OPCML: variants seen among roughly 807,000 people sequenced by gnomAD.
OPCML encodes the protein opioid-binding protein/cell adhesion molecule.
A neutral mutation model predicts 37.8 loss-of-function variants in OPCML; 13 were observed. That is an observed-to-expected ratio of 0.34 (90% CI 0.22 to 0.55). The LOEUF (loss-of-function observed/expected upper bound fraction) is 0.55. Ranked by LOEUF, OPCML falls within the 20% of genes least tolerant of loss-of-function variation. The probability of loss-of-function intolerance (pLI) is 0.91; values close to 1 mark genes in which losing one functional copy is unlikely to be tolerated. For synonymous variants in OPCML, 176 were observed against 168.8 expected (o/e 1.04, Z -0.33); for missense variants, 341 against 435.6 (o/e 0.78, Z 1.93).
At chr11:132,435,281 A>T in intron 7 of OPCML, 1 of 1,284,820 alleles carries the variant, frequency 7.8e-7, no homozygotes, top group Non-Finnish European at 1.0e-6. Context: ...AGTTTACTTA[A>T]TGTCAGTGCT....
chr11:133,209,718 G>A (rs936405532), intron 1 of OPCML, among the ~76,000 whole-genome samples: 11 of 152,214 alleles, frequency 7.2e-5, no homozygotes, highest in Admixed American at 2.6e-4. Flanking sequence ...TGAATACATG[G>A]GTGGATGAAT....
chr11:133,180,803 G>C (rs1476716648), intron 1 of OPCML, among the ~76,000 whole-genome samples: 1 of 144,040 alleles, frequency 6.9e-6, no homozygotes, highest in Non-Finnish European at 1.5e-5. Context: ...CTGCCCATGA[G>C]CTAAGATTGT....
chr11:132,616,904 T>A (rs890853805), intron 3 of OPCML, among the ~76,000 whole-genome samples: 1 of 152,264 alleles, frequency 6.6e-6, no homozygotes, highest in Non-Finnish European at 1.5e-5. Flanking sequence ...GCAATGTGGA[T>A]GTTTGCTCAA....
chr11:132,912,891 G>A (rs752562862), intron 2 of OPCML, among the ~76,000 whole-genome samples: 12 of 152,156 alleles, frequency 7.9e-5, no homozygotes, highest in Non-Finnish European at 1.6e-4. Flanking sequence ...AAACAACTTA[G>A]CAAATTAACA....
chr11:133,294,815 C>CTTTTTTTTTTT (rs59382534), intron 1 of OPCML, among the ~76,000 whole-genome samples: 7 of 56,550 alleles, frequency 1.2e-4, no homozygotes, highest in East Asian at 7.7e-4. Flanking sequence ...TTCTTTCTTT[C>CTTTTTTTTTTT]TTTTTTTTTT....
chr11:132,958,484 T>C (rs896701991), intron 1 of OPCML, among the ~76,000 whole-genome samples: 2 of 152,198 alleles, frequency 1.3e-5, no homozygotes, highest in Non-Finnish European at 2.9e-5. Context: ...GTGGCTACAC[T>C]CAACAGCAGA....
At chr11:133,464,508 G>C (rs560509331) in intron 1 of OPCML, among the ~76,000 whole-genome samples, 2 of 152,158 alleles carry the variant, frequency 1.3e-5, no homozygotes, top group Admixed American at 1.3e-4. Flanking sequence ...AGGCTTTCTG[G>C]AATGCTGCCC....
In OPCML at chr11:133,189,897, T is replaced by A. The variant is rs114138754; in HGVS notation, c.62-246887A>T. On this transcript the variant is annotated intron_variant, in intron 1 of 7. Transcript: ENST00000524381. ...CAGCTAGGGCAATTGAACACTCTTCTAATTGAACAGGGAAAATAAGGAGTG... is the reference window on the plus strand; with the variant it reads ...CAGCTAGGGCAATTGAACACTCTTCAAATTGAACAGGGAAAATAAGGAGTG... Among the ~76,000 whole-genome samples the A allele has an allele frequency of 9.8e-3, 1,490 of 152,352 alleles. 26 individuals are homozygous for A. Among genetic ancestry groups the A allele is most frequent in the African/African-American group, 0.034 (1,405 of 41,584 alleles).
chr11:133,390,745 A>G (rs539978795), intron 1 of OPCML, among the ~76,000 whole-genome samples: 46 of 152,172 alleles, frequency 3.0e-4, no homozygotes, highest in Non-Finnish European at 6.6e-4. Context: ...AGTTTGGAAA[A>G]GGGTTGGGAT....
At position 132,544,794 on chromosome 11, in the gene OPCML, T is replaced by G. The variant is rs577176413; in HGVS notation, c.380-15608A>C. On this transcript the variant is annotated intron_variant, in intron 3 of 7. Transcript: ENST00000524381. ...AAGCTGGGTCGTCATTTCCCACTTG[T>G]ATAAATCAGTATCCTCTGCATTGCA... Among the ~76,000 whole-genome samples, 5 of 152,280 alleles carry G rather than the reference T, an allele frequency of 3.3e-5. No individual in the cohort carries two copies. The South Asian group carries it at 1.0e-3, about 32-fold the overall frequency.
chr11:133,372,650 A>G (rs1040877206), intron 1 of OPCML, among the ~76,000 whole-genome samples: 5 of 152,192 alleles, frequency 3.3e-5, no homozygotes, highest in Non-Finnish European at 7.4e-5. Flanking sequence ...TGTGTTTGAG[A>G]AACAATAAAG....
intron 1 of OPCML, among the ~76,000 whole-genome samples, chr11:133,133,878 T>C (rs1284870620): frequency 6.6e-6 from 1 of 152,184 alleles, no homozygotes; most frequent in Non-Finnish European, 1.5e-5. Context: ...GCAATGACTT[T>C]ACACATCAAT....
chr11:132,632,286 C>A (rs1425253508), intron 3 of OPCML, among the ~76,000 whole-genome samples: 1 of 131,504 alleles, frequency 7.6e-6, no homozygotes, highest in South Asian at 2.4e-4. Flanking sequence ...AGGAGGAGAT[C>A]ACACAGTTGT....
chr11:132,572,877 C>T (rs953172298), intron 3 of OPCML, among the ~76,000 whole-genome samples: 1 of 151,916 alleles, frequency 6.6e-6, no homozygotes, highest in Admixed American at 6.6e-5. Context: ...TTCCAATCCA[C>T]AAGAATGGGG....
intron 1 of OPCML, among the ~76,000 whole-genome samples, chr11:133,467,805 T>G (rs545949547): frequency 1.4e-4 from 21 of 152,240 alleles, no homozygotes; most frequent in African/African-American, 5.1e-4. Flanking sequence ...GCTCAATGAA[T>G]TCCCTCACAC....
intron 2 of OPCML, among the ~76,000 whole-genome samples, chr11:132,936,574 T>C (rs1159853494): frequency 6.6e-6 from 1 of 152,104 alleles, no homozygotes; most frequent in African/African-American, 2.4e-5. Flanking sequence ...GCAGGTTTTG[T>C]TCAAGGCTCT....
At chr11:132,851,089 T>C (rs1416685592) in intron 2 of OPCML, among the ~76,000 whole-genome samples, 2 of 152,224 alleles carry the variant, frequency 1.3e-5, no homozygotes, top group African/African-American at 2.4e-5. Context: ...TATTTATGAA[T>C]ATAGATAACC....
intron 4 of OPCML, among the ~76,000 whole-genome samples, chr11:132,466,926 A>G (rs1369055613): frequency 6.6e-6 from 1 of 152,244 alleles, no homozygotes; most frequent in African/African-American, 2.4e-5. Context: ...CAAATTTGAA[A>G]AAAGAAGGAA....
intron 1 of OPCML, among the ~76,000 whole-genome samples, chr11:133,404,038 T>C (rs972964902): frequency 2.0e-5 from 3 of 152,192 alleles, no homozygotes; most frequent in African/African-American, 7.2e-5. Flanking sequence ...GTTTGCAGAG[T>C]TGGCTCCCCC....
Sources: gnomAD v4.1 joint callset for allele counts (sites outside exome capture counted in the v4.1 genomes callset) on GRCh38, gnomAD v4.1.1 for gene constraint, MANE v1.5 for transcripts, NCBI Gene and HGNC (gene_info 2026-07-23, HGNC 2026-07-21) for gene names.